Variants in FKBP10 observed in about 807,000 individuals in gnomAD.
The protein encoded by FKBP10 is FKBP prolyl isomerase 10, also known as peptidyl-prolyl cis-trans isomerase FKBP10.
FKBP10 carries 34 observed loss-of-function variants against 53.7 expected under a neutral mutation model. That is an observed-to-expected ratio of 0.63 (90% confidence interval 0.48 to 0.84). FKBP10 has a LOEUF of 0.84. Ranked by LOEUF, FKBP10 falls within the 40% of genes least tolerant of loss-of-function variation. FKBP10 has a pLI of 0.00. For missense variants in FKBP10, 748 were observed against 797.8 expected (o/e 0.94, Z 0.75); for synonymous variants, 324 against 335.7 (o/e 0.97, Z 0.38).
Position 41,822,244 on chromosome 17 carries a change from C to G in FKBP10, c.1585C>G (p.Gln529Glu). 1 of 1,613,532 alleles carries G rather than the reference C, an allele frequency of 6.2e-7. No homozygotes were observed. The highest frequency in any genetic ancestry group is 8.5e-7 in the Non-Finnish European group (1 of 1,179,762). Reference protein sequence around the residue: ...PEEFSTFIKAQVSEGKGRLMP... With the variant: ...PEEFSTFIKAEVSEGKGRLMP... ...CCAGTTCTCCACCTTCATCAAGGCT[C>G]AAGTGAGTGAGGGCAAAGGACGCCT... is the stretch of plus-strand genomic sequence containing the variant. Residue 529 changes from glutamine to glutamate, a missense_variant, in exon 10 of 10, where the codon CAA becomes GAA. Physicochemically the swap from Gln to Glu is conservative, Grantham distance 29. Coordinates refer to ENST00000321562, the MANE Select transcript of FKBP10 (RefSeq NM_021939.4).
chr17:41,819,310 C>T lies in FKBP10; in HGVS notation c.828C>T (p.Pro276=), dbSNP rs782406817. The T allele has an allele frequency of 1.2e-6, 2 of 1,614,128 alleles. No homozygotes were observed. The highest frequency in any genetic ancestry group is 1.7e-6 in the Non-Finnish European group (2 of 1,180,030). ...TCCAGCTAGAGACGCTGGAGCTCCC[C>T]CCCGGCTGTGTCCGCAGAGCCGGGG... ...DAVQLETLEL[P]PGCVRRAGAG... The change falls in exon 5 of 10, where the codon CCC becomes CCT. Residue 276 remains proline, a synonymous_variant. Coordinates refer to ENST00000321562, the MANE Select transcript of FKBP10 (RefSeq NM_021939.4).
intron 1 of FKBP10, among the ~76,000 whole-genome samples, chr17:41,815,382 C>T (rs188149879): frequency 6.2e-4 from 95 of 152,298 alleles, no homozygotes; most frequent in Non-Finnish European, 1.2e-3. Context: ...TGGTCACAAA[C>T]TTCTGAGCTC....
At position 41,818,146 on chromosome 17, in the gene FKBP10, G is replaced by A; in HGVS notation, c.449G>A (p.Trp150Ter). The A allele has an allele frequency of 1.9e-6, 3 of 1,613,802 alleles. No homozygotes were observed. Among genetic ancestry groups the A allele is most frequent in the Non-Finnish European group, 2.5e-6 (3 of 1,179,920 alleles). ...TTCGATGTGGTTCTGCTGGATGTGT[G>A]GAACAAGGAAGACACCGTGCAGGTG... ...LYFDVVLLDV[W>*]NKEDTVQVST... Residue 150 changes from tryptophan to a stop codon, truncating the protein, a stop_gained, in exon 3 of 10, where the codon TGG (tryptophan) becomes TAG (stop). Transcript: ENST00000321562. LOFTEE classifies it high-confidence loss of function.
intron 1 of FKBP10, 25 bp from the exon 2 acceptor site, chr17:41,817,033 A>C: frequency 6.2e-7 from 1 of 1,613,764 alleles, no homozygotes; most frequent in Middle Eastern, 1.6e-4. Flanking sequence ...AGGTCACTGT[A>C]TCCCATCTGT....
chr17:41,818,344 C>T (rs782294427), intron 3 of FKBP10, 38 bp from the exon 4 acceptor site: 20 of 1,614,016 alleles, frequency 1.2e-5, no homozygotes, highest in Non-Finnish European at 1.6e-5. Context: ...AATCCGGGGC[C>T]CAGCCTGCCT....
In FKBP10 at chr17:41,820,475, G is replaced by C. The variant is rs202121419; in HGVS notation, c.1256+14G>C. ...GCTGTTCACCTCGTGGGTCCGGGGG[G>C]GGGCCGGGACTGGGCAGGTGGGTGG... On this transcript the variant is annotated intron_variant, in intron 7 of 9. Coordinates refer to ENST00000321562, the MANE Select transcript of FKBP10 (RefSeq NM_021939.4). The C allele has an allele frequency of 4.1e-3, 6,692 of 1,613,362 alleles. 300 individuals carry two copies. In the South Asian group the frequency reaches 0.07, roughly 17 times the overall value.
In FKBP10 at chr17:41,813,222, A is replaced by T; in HGVS notation, c.188A>T (p.Asp63Val). ...RACPREVQMG[D>V]FVRYHYNGTF... ...TGTCCCCGGGAAGTGCAGATGGGGG[A>T]TTTTGTGCGCTACCACTACAACGGC... The change falls in exon 1 of 10, where the codon GAT (aspartate) becomes GTT (valine). Residue 63 changes from aspartate (D) to valine (V), a missense_variant. Coordinates refer to ENST00000321562, the MANE Select transcript of FKBP10 (RefSeq NM_021939.4). The T allele has an allele frequency of 6.2e-7, 1 of 1,613,574 alleles. No individual in the cohort carries two copies. The highest frequency in any genetic ancestry group is 1.3e-5 in the African/African-American group (1 of 75,026).
intron 2 of FKBP10, among the ~76,000 whole-genome samples, chr17:41,817,635 CT>C (rs148933145): frequency 6.9e-6 from 1 of 144,472 alleles, no homozygotes; most frequent in Non-Finnish European, 1.5e-5. Flanking sequence ...TTTTCTTTTT[CT>C]TTTTTTTTTT....
intron 9 of FKBP10, 116 bp downstream of exon 9, chr17:41,821,933 C>G (rs538570830): frequency 3.1e-6 from 4 of 1,296,528 alleles, no homozygotes; most frequent in Non-Finnish European, 4.4e-6. Flanking sequence ...CTCCTGCCTG[C>G]GCTGAGTCCC....
chr17:41,818,446 C>A lies in FKBP10; in HGVS notation c.646C>A (p.Gln216Lys). 1 of 1,614,186 alleles carries A rather than the reference C, an allele frequency of 6.2e-7. No homozygotes were observed. ...TGGTTGGCTGATCAAGGGCATGGAC[C>A]AGGGGCTGCTGGGCATGTGTCCTGG... ...GSGWLIKGMD[Q>K]GLLGMCPGER... The change falls in exon 4 of 10, where the codon CAG becomes AAG. Residue 216 changes from glutamine to lysine, a missense_variant. Physicochemically the swap from Gln to Lys is moderately conservative, Grantham distance 53. Coordinates refer to ENST00000321562, the MANE Select transcript of FKBP10 (RefSeq NM_021939.4).
chr17:41,821,503 T>A (rs1438025169), intron 8 of FKBP10, 151 bp from the exon 9 acceptor site: 1 of 904,658 alleles, frequency 1.1e-6, no homozygotes, highest in Non-Finnish European at 1.6e-6. Flanking sequence ...GAGTCAGGAA[T>A]GCCTTCAGGA....
chr17:41,822,110 A>T, intron 9 of FKBP10, 113 bp from the exon 10 acceptor site: 1 of 1,102,318 alleles, frequency 9.1e-7, no homozygotes, highest in Non-Finnish European at 1.3e-6. Context: ...GGTGCGGGGG[A>T]GCCTGGGAAA....
intron 5 of FKBP10, 53 bp downstream of exon 5, chr17:41,819,452 G>A: frequency 1.9e-6 from 3 of 1,613,870 alleles, no homozygotes; most frequent in Non-Finnish European, 2.5e-6. Context: ...CGTGGACGAA[G>A]CTGGGGGTCA....
intron 7 of FKBP10, 159 bp downstream of exon 7, chr17:41,820,620 A>C: frequency 1.3e-6 from 1 of 786,176 alleles, no homozygotes; most frequent in South Asian, 1.7e-5. Flanking sequence ...ATCTCGGAGC[A>C]TGTCGAGGAG....
rs117954002 is a variant in FKBP10 at position 41,817,287 on chromosome 17, G to A, written c.391+84G>A. ...TCCTGGGGTGAGAAAACTGAAGTGC[G>A]GAGATGAGGAGTGACTTGCCCAATG... On this transcript the variant is annotated intron_variant, in intron 2 of 9. Coordinates refer to ENST00000321562, the MANE Select transcript of FKBP10 (RefSeq NM_021939.4). 7,086 of 1,552,204 alleles carry A rather than the reference G, an allele frequency of 4.6e-3. 22 individuals are homozygous for A. The highest frequency in any genetic ancestry group is 5.7e-3 in the Non-Finnish European group (6,511 of 1,141,420).
chr17:41,820,408 T>A lies in FKBP10; in HGVS notation c.1203T>A (p.Phe401Leu). The A allele has an allele frequency of 6.2e-7, 1 of 1,614,110 alleles. No individual in the cohort carries two copies. The highest frequency in any genetic ancestry group is 8.5e-7 in the Non-Finnish European group (1 of 1,180,018). Residue 401 changes from phenylalanine to leucine, a missense_variant, in exon 7 of 10, where the codon TTT (phenylalanine) becomes TTA (leucine). Phe to Leu is a conservative substitution (Grantham distance 22, BLOSUM62 0). Transcript: ENST00000321562. ...ATGAGACCACCAAGCTTGGGGACTT[T>A]GTTCGATACCATTACAACTGTTCTT... ...TCNETTKLGD[F>L]VRYHYNCSLL...
intron 1 of FKBP10, among the ~76,000 whole-genome samples, chr17:41,816,657 G>A (rs1193137034): frequency 6.6e-6 from 1 of 152,178 alleles, no homozygotes; most frequent in Non-Finnish European, 1.5e-5. Context: ...TCACAGGGGA[G>A]ACAAAGAAGA....
rs1160024072 is a variant in FKBP10, at chr17:41,822,913, C to G, written c.*505C>G. 1 of 222,330 alleles carries G rather than the reference C, an allele frequency of 4.5e-6. No homozygotes were observed. Among genetic ancestry groups the G allele is most frequent in the African/African-American group, 2.3e-5 (1 of 44,058 alleles). 13.8% of individuals were successfully genotyped at this position (222,330 alleles called of 1,614,324 possible). A position where few individuals can be genotyped will look rare whatever the true frequency, so the allele number is the denominator to read the frequency against. On this transcript the variant is annotated 3_prime_UTR_variant, in exon 10 of 10. Transcript: ENST00000321562. ...TCCTGGAGGGCAGCCCTACCTCTCC[C>G]ATGCCCTTTGCCCTCCTCCCTCGCC...
At chr17:41,820,540 C>A in intron 7 of FKBP10, 79 bp downstream of exon 7, 1 of 1,432,878 alleles carries the variant, frequency 7.0e-7, no homozygotes, top group Non-Finnish European at 9.7e-7. Flanking sequence ...ACCCCCGACG[C>A]CTGCTCCTCC....
Sources: gnomAD v4.1 joint callset for allele counts (sites outside exome capture counted in the v4.1 genomes callset) on GRCh38, gnomAD v4.1.1 for gene constraint, MANE v1.5 for transcripts, NCBI Gene and HGNC (gene_info 2026-07-23, HGNC 2026-07-21) for gene names.